The following GALNT7 variants were observed in gnomAD, a reference collection of about 807,000 sequenced individuals.
The protein encoded by GALNT7 is polypeptide N-acetylgalactosaminyltransferase 7.
A neutral mutation model predicts 82.1 loss-of-function variants in GALNT7; 60 were observed. The observed-to-expected ratio is 0.73, with a 90% CI of 0.59 to 0.91. The LOEUF (loss-of-function observed/expected upper bound fraction) is 0.91, where lower values mean the gene tolerates loss of function less well. GALNT7 is among the 40% of genes least tolerant of loss of function. The probability of loss-of-function intolerance (pLI) is 0.00; values close to 1 mark genes in which losing one functional copy is unlikely to be tolerated. For synonymous variants in GALNT7, 243 were observed against 275.1 expected (o/e 0.88, Z 1.15); for missense variants, 660 against 804.2 (o/e 0.82, Z 2.17).
chr4:173,171,006 A>G (rs537683636), intron 1 of GALNT7, among the ~76,000 whole-genome samples: 18 of 152,326 alleles, frequency 1.2e-4, no homozygotes, highest in Non-Finnish European at 2.4e-4. Flanking sequence ...CAGTGGATCC[A>G]GTGTAATTTC....
At chr4:173,212,847 G>A (rs1465956343) in intron 1 of GALNT7, among the ~76,000 whole-genome samples, 1 of 152,066 alleles carries the variant, frequency 6.6e-6, no homozygotes, top group Non-Finnish European at 1.5e-5. Flanking sequence ...ACATTAAAGA[G>A]CATGATCATT....
At chr4:173,280,591 C>T (rs1022599783) in intron 2 of GALNT7, among the ~76,000 whole-genome samples, 2 of 152,150 alleles carry the variant, frequency 1.3e-5, no homozygotes, top group Non-Finnish European at 2.9e-5. Context: ...GTGATCAGAG[C>T]AGTTCTACAA....
At chr4:173,321,436 CAA>C in intron 11 of GALNT7, 142 bp from the exon 12 acceptor site, 1 of 616,844 alleles carries the variant, frequency 1.6e-6, no homozygotes, top group Non-Finnish European at 2.9e-6. Flanking sequence ...AACTGACAAT[CAA>C]GAGAAATCCA....
intron 2 of GALNT7, among the ~76,000 whole-genome samples, chr4:173,266,868 G>GGTGTGTGTGTGTGTGTGTGTGT (rs71596614): frequency 1.1e-5 from 1 of 95,078 alleles, no homozygotes; most frequent in African/African-American, 4.3e-5. Context: ...GGCTGGGAAG[G>GGTGTGTGTGTGTGTGTGTGTGT]GTGTGTGTGT....
intron 2 of GALNT7, among the ~76,000 whole-genome samples, chr4:173,276,605 TG>T (rs1214212547): frequency 3.3e-5 from 5 of 152,190 alleles, no homozygotes; most frequent in African/African-American, 1.2e-4. Context: ...ATGTGATTAT[TG>T]TACCACTAGC....
intron 1 of GALNT7, among the ~76,000 whole-genome samples, chr4:173,191,894 T>G (rs1732640742): frequency 6.6e-6 from 1 of 152,166 alleles, no homozygotes; most frequent in Non-Finnish European, 1.5e-5. Context: ...TACTGGACTT[T>G]GAGGAGAGAA....
At chr4:173,210,114 A>G (rs575345087) in intron 1 of GALNT7, among the ~76,000 whole-genome samples, 2 of 152,212 alleles carry the variant, frequency 1.3e-5, no homozygotes, top group East Asian at 3.9e-4. Context: ...AGCCTGGGCA[A>G]CAGAGCGAGA....
intron 10 of GALNT7, 47 bp downstream of exon 10, chr4:173,317,779 A>G (rs995028076): frequency 5.3e-6 from 6 of 1,124,814 alleles, no homozygotes; most frequent in Non-Finnish European, 8.2e-6. Flanking sequence ...ATTGAGGGCC[A>G]TCAGGTTTAT....
chr4:173,271,414 A>AATACATAT (rs1397224758), intron 2 of GALNT7, among the ~76,000 whole-genome samples: 9 of 152,188 alleles, frequency 5.9e-5, no homozygotes, highest in African/African-American at 2.2e-4. Flanking sequence ...CCAGCCAAGT[A>AATACATAT]ATACATATAT....
intron 1 of GALNT7, among the ~76,000 whole-genome samples, chr4:173,228,894 A>G (rs1231592928): frequency 6.6e-6 from 1 of 152,210 alleles, no homozygotes; most frequent in East Asian, 1.9e-4. Flanking sequence ...TTTGTTGAAA[A>G]TAATGATCTT....
rs770126576 is a variant in GALNT7, at chr4:173,297,961, A to G, written c.966-154A>G. The stretch of plus-strand genomic sequence containing the variant: ...CAAGGAAAAGGCCAAAAGAAAACAT[A>G]AAACTGAACCTTATCGGTAAAGACT... On this transcript the variant is annotated intron_variant, in intron 5 of 11. Coordinates refer to ENST00000265000, the MANE Select transcript of GALNT7 (RefSeq NM_017423.3). 2.7e-6 allele frequency: 4 copies of G among 1,479,574 alleles called. No individual in the cohort carries two copies. The African/African-American group carries it at 4.3e-5, about 16-fold the overall frequency. The allele number at this position is 1,479,574 out of a possible 1,614,324, so 91.7% of individuals were successfully genotyped here. A position where few individuals can be genotyped will look rare whatever the true frequency, so the allele number is the denominator to read the frequency against.
intron 1 of GALNT7, among the ~76,000 whole-genome samples, chr4:173,176,094 AAAAG>A (rs1190005643): frequency 2.6e-5 from 4 of 152,174 alleles, no homozygotes; most frequent in South Asian, 2.1e-4. Flanking sequence ...ATTAAAAACA[AAAAG>A]AAAGAGAATG....
intron 1 of GALNT7, among the ~76,000 whole-genome samples, chr4:173,177,473 G>A (rs1732085975): frequency 6.6e-6 from 1 of 152,168 alleles, no homozygotes; most frequent in South Asian, 2.1e-4. Flanking sequence ...GGGTTGGTAA[G>A]TTAAAGGAGC....
chr4:173,280,300 G>C (rs1284989018), intron 2 of GALNT7, among the ~76,000 whole-genome samples: 1 of 152,144 alleles, frequency 6.6e-6, no homozygotes, highest in African/African-American at 2.4e-5. Flanking sequence ...TGCTGAATTA[G>C]ATATTATTTA....
chr4:173,192,158 G>A (rs927476937), intron 1 of GALNT7, among the ~76,000 whole-genome samples: 1 of 152,082 alleles, frequency 6.6e-6, no homozygotes, highest in Non-Finnish European at 1.5e-5. Context: ...CATATTTAAA[G>A]GGCATGGAGA....
chr4:173,213,204 G>A (rs760767773), intron 1 of GALNT7, among the ~76,000 whole-genome samples: 22 of 143,124 alleles, frequency 1.5e-4, no homozygotes, highest in Admixed American at 7.9e-4. Context: ...GTGATTTCTC[G>A]TTTTACATTC....
intron 1 of GALNT7, among the ~76,000 whole-genome samples, chr4:173,171,439 C>T (rs1731869719): frequency 6.6e-6 from 1 of 152,198 alleles, no homozygotes; most frequent in Admixed American, 6.5e-5. Context: ...TGGGTTCTGC[C>T]TCTACTCCAG....
intron 1 of GALNT7, among the ~76,000 whole-genome samples, chr4:173,182,661 T>TACACACACACACAC (rs60501649): frequency 4.0e-4 from 53 of 133,530 alleles, no homozygotes; most frequent in African/African-American, 1.6e-3. Flanking sequence ...TTACTCATAA[T>TACACACACACACAC]ACACACACAC....
chr4:173,210,332 T>G (rs931639980), intron 1 of GALNT7, among the ~76,000 whole-genome samples: 1 of 152,024 alleles, frequency 6.6e-6, no homozygotes, highest in Non-Finnish European at 1.5e-5. Flanking sequence ...CGTCGGAAAT[T>G]TACCGTCATT....
Sources: gnomAD v4.1 joint callset for allele counts (sites outside exome capture counted in the v4.1 genomes callset) on GRCh38, gnomAD v4.1.1 for gene constraint, MANE v1.5 for transcripts, NCBI Gene and HGNC (gene_info 2026-07-23, HGNC 2026-07-21) for gene names.